The following PID1 variants were observed in gnomAD, a reference collection of about 807,000 sequenced individuals.
PID1 encodes phosphotyrosine interaction domain containing 1.
Under a neutral mutation model 19.1 loss-of-function variants are expected in PID1, and 10 were observed. That is an observed-to-expected ratio of 0.52 (90% CI 0.32 to 0.89). The LOEUF (loss-of-function observed/expected upper bound fraction) is 0.89. Among genes scored for constraint, PID1 ranks in the 40% least tolerant of loss-of-function variants. PID1 has a pLI of 0.03. For synonymous variants in PID1, 130 were observed against 116.0 expected, an observed-to-expected ratio of 1.12 and a Z score of -0.78; for missense variants, 248 against 285.3, an observed-to-expected ratio of 0.87 and a Z score of 0.94.
intron 2 of PID1, among the ~76,000 whole-genome samples, chr2:229,146,762 C>T (rs1690143960): frequency 6.6e-6 from 1 of 152,024 alleles, no homozygotes; most frequent in Non-Finnish European, 1.5e-5. Context: ...AGTCCAATCA[C>T]AAGTGTCCTT....
chr2:229,138,550 AATGTAT>A (rs1368982660), intron 2 of PID1, among the ~76,000 whole-genome samples: 1 of 152,124 alleles, frequency 6.6e-6, no homozygotes, highest in Non-Finnish European at 1.5e-5. Flanking sequence ...CATGGTGTAT[AATGTAT>A]ATGTATAAGG....
At chr2:229,177,468 C>T (rs1215521981) in intron 1 of PID1, among the ~76,000 whole-genome samples, 4 of 151,898 alleles carry the variant, frequency 2.6e-5, no homozygotes, top group Admixed American at 6.6e-5. Flanking sequence ...TTTCTTTTTT[C>T]GTTGTCTTTT....
In PID1 at chr2:229,200,421, A is replaced by G. The variant is rs190297470; in HGVS notation, c.31-44457T>C. On this transcript the variant is annotated intron_variant, in intron 1 of 2. Coordinates refer to ENST00000392055, the MANE Select transcript of PID1 (RefSeq NM_001100818.2). Reference sequence around the variant, plus strand: ...CTGAAGTAACATTAATACGGGCCCCATGCCATTTAGCCACTATAAAGGAAC... The same window carrying G: ...CTGAAGTAACATTAATACGGGCCCCGTGCCATTTAGCCACTATAAAGGAAC... 3.0e-3 allele frequency among the ~76,000 whole-genome samples: 454 copies of G among 152,104 alleles called. 3 individuals are homozygous for G. Among genetic ancestry groups the G allele is most frequent in the South Asian group, 0.011 (52 of 4,818 alleles).
intron 1 of PID1, among the ~76,000 whole-genome samples, chr2:229,252,458 T>C (rs1275325893): frequency 6.6e-6 from 1 of 152,150 alleles, no homozygotes; most frequent in Non-Finnish European, 1.5e-5. Context: ...TCCTTTCCAG[T>C]GCAGAGCAAA....
At chr2:229,042,735 G>A (rs1559206634) in intron 2 of PID1, among the ~76,000 whole-genome samples, 1 of 152,120 alleles carries the variant, frequency 6.6e-6, no homozygotes, top group East Asian at 1.9e-4. Flanking sequence ...TGCATGATGT[G>A]AAAGTAATTT....
At chr2:229,125,795 G>A (rs1012023275) in intron 2 of PID1, among the ~76,000 whole-genome samples, 11 of 152,078 alleles carry the variant, frequency 7.2e-5, no homozygotes, top group Non-Finnish European at 2.9e-5. Context: ...ATTTTCCCAC[G>A]TGCAATGCAT....
chr2:229,119,355 A>G (rs1695471788), intron 2 of PID1, among the ~76,000 whole-genome samples: 1 of 152,216 alleles, frequency 6.6e-6, no homozygotes, highest in African/African-American at 2.4e-5. Flanking sequence ...AAGTCTGTGT[A>G]CTTTCTACCA....
At chr2:229,151,437 T>G (rs1451462064) in intron 2 of PID1, among the ~76,000 whole-genome samples, 1 of 152,186 alleles carries the variant, frequency 6.6e-6, no homozygotes, top group African/African-American at 2.4e-5. Context: ...CTTAAACCGT[T>G]GAGTTGCCAT....
At chr2:229,105,198 G>A (rs1335927279) in intron 2 of PID1, among the ~76,000 whole-genome samples, 3 of 152,146 alleles carry the variant, frequency 2.0e-5, no homozygotes, top group Non-Finnish European at 4.4e-5. Context: ...TAATAGGAAG[G>A]AATTTCCATG....
chr2:229,220,603 G>A (rs1691946117), intron 1 of PID1, among the ~76,000 whole-genome samples: 1 of 152,146 alleles, frequency 6.6e-6, no homozygotes, highest in African/African-American at 2.4e-5. Flanking sequence ...ACAAGGAGGT[G>A]ATTCTATGAG....
At chr2:229,112,268 T>G (rs1458891657) in intron 2 of PID1, among the ~76,000 whole-genome samples, 1 of 152,198 alleles carries the variant, frequency 6.6e-6, no homozygotes, top group African/African-American at 2.4e-5. Flanking sequence ...GAAGAATTAT[T>G]TTTAAGTTTT....
chr2:229,236,118 A>G (rs2106271653), intron 1 of PID1, among the ~76,000 whole-genome samples: 1 of 151,868 alleles, frequency 6.6e-6, no homozygotes, highest in Non-Finnish European at 1.5e-5. Context: ...AAGTCTACCA[A>G]CGACTTACTC....
chr2:229,129,831 G>A (rs910890422), intron 2 of PID1, among the ~76,000 whole-genome samples: 8 of 152,044 alleles, frequency 5.3e-5, no homozygotes, highest in African/African-American at 7.2e-5. Context: ...TGGCTCCTCC[G>A]GAGACTAGCA....
intron 2 of PID1, among the ~76,000 whole-genome samples, chr2:229,057,731 C>A (rs964403891): frequency 6.6e-6 from 1 of 152,104 alleles, no homozygotes; most frequent in Non-Finnish European, 1.5e-5. Flanking sequence ...TAAGAATTAT[C>A]AGTGTGGGTT....
At chr2:229,169,428 G>C (rs1690666077) in intron 1 of PID1, among the ~76,000 whole-genome samples, 1 of 152,100 alleles carries the variant, frequency 6.6e-6, no homozygotes. Flanking sequence ...AGAAGGTATG[G>C]ATTTTTCTTA....
At chr2:229,139,143 AAGAAAGCAAGCG>A (rs1689955443) in intron 2 of PID1, among the ~76,000 whole-genome samples, 1 of 126,098 alleles carries the variant, frequency 7.9e-6, no homozygotes, top group African/African-American at 3.1e-5. Flanking sequence ...GAAAGAAAGA[AAGAAAGCAAGCG>A]AGCGAGCAAG....
At chr2:229,040,371 G>T (rs1693747358) in intron 2 of PID1, among the ~76,000 whole-genome samples, 1 of 152,120 alleles carries the variant, frequency 6.6e-6, no homozygotes, top group African/African-American at 2.4e-5. Context: ...TTTTGTGTAA[G>T]CAAGTAGGGG....
intron 2 of PID1, among the ~76,000 whole-genome samples, chr2:229,121,789 T>C (rs1024589666): frequency 1.3e-5 from 2 of 152,188 alleles, no homozygotes; most frequent in African/African-American, 4.8e-5. Flanking sequence ...GATCGAGGTC[T>C]AGGGACAGAA....
At position 229,151,384 on chromosome 2, in the gene PID1, A is replaced by T. The variant is rs147426762; in HGVS notation, c.177+4434T>A. On this transcript the variant is annotated intron_variant, in intron 2 of 2. Transcript: ENST00000392055. ...CTGGGACAGTCAGATGAACTTCTCTATGCCTCAACTAGTTCATCTGTGAAA... is the reference window on the plus strand; with the variant it reads ...CTGGGACAGTCAGATGAACTTCTCTTTGCCTCAACTAGTTCATCTGTGAAA... Among the ~76,000 whole-genome samples the T allele has an allele frequency of 1.7e-3, 264 of 152,236 alleles. 2 individuals carry two copies. The highest frequency in any genetic ancestry group is 5.9e-3 in the African/African-American group (245 of 41,546).
Sources: gnomAD v4.1 joint callset for allele counts (sites outside exome capture counted in the v4.1 genomes callset) on GRCh38, gnomAD v4.1.1 for gene constraint, MANE v1.5 for transcripts, NCBI Gene and HGNC (gene_info 2026-07-23, HGNC 2026-07-21) for gene names.